Variants in LAMB4 observed in about 807,000 individuals in gnomAD.
LAMB4 encodes the protein laminin subunit beta 4.
In LAMB4, 196 loss-of-function variants were observed where a neutral mutation model predicts 199.2. The ratio of observed to expected loss-of-function variants is 0.98; its 90% CI spans 0.88 to 1.11. The LOEUF (loss-of-function observed/expected upper bound fraction) is 1.11. LAMB4 is among the 50% of genes least tolerant of loss of function. The pLI is 0.00. For synonymous variants in LAMB4, 744 were observed against 770.6 expected (o/e 0.97, Z 0.57); for missense variants, 2,080 against 2,171.2 (o/e 0.96, Z 0.83).
At chr7:108,070,769 A>G (rs2150562942) in intron 17 of LAMB4, among the ~76,000 whole-genome samples, 1 of 152,322 alleles carries the variant, frequency 6.6e-6, no homozygotes, top group East Asian at 1.9e-4. Context: ...AAAAAATCAT[A>G]TGTAGGTTTT....
intron 11 of LAMB4, among the ~76,000 whole-genome samples, chr7:108,096,064 A>G (rs2037583265): frequency 6.6e-6 from 1 of 152,234 alleles, no homozygotes; most frequent in Non-Finnish European, 1.5e-5. Flanking sequence ...AGGCAGTTCA[A>G]TTGTGTTAAG....
chr7:108,109,072 T>C (rs959061762), intron 5 of LAMB4, 99 bp downstream of exon 5: 2 of 877,502 alleles, frequency 2.3e-6, no homozygotes, highest in Non-Finnish European at 3.8e-6. Flanking sequence ...CTTATTCTGT[T>C]TTTGTTCACT....
At chr7:108,123,746 C>T (rs191346123) in intron 1 of LAMB4, among the ~76,000 whole-genome samples, 7 of 152,366 alleles carry the variant, frequency 4.6e-5, no homozygotes, top group Admixed American at 4.6e-4. Flanking sequence ...TATTATCACA[C>T]TGTTTTCTTA....
chr7:108,090,755 T>A (rs1299278168), intron 14 of LAMB4, among the ~76,000 whole-genome samples: 1 of 152,136 alleles, frequency 6.6e-6, no homozygotes, highest in Non-Finnish European at 1.5e-5. Flanking sequence ...GTTTTTTCAG[T>A]CACCATCATA....
rs765121074 is a variant in LAMB4, at chr7:108,024,020, T to C, written c.*19A>G. ...AGAAACCAGAAACAAAGGCACAAGCTTTTGCTCTTTAACTCTGCCTAGCTA... is the reference window on the plus strand; with the variant it reads ...AGAAACCAGAAACAAAGGCACAAGCCTTTGCTCTTTAACTCTGCCTAGCTA... On this transcript the variant is annotated 3_prime_UTR_variant, in exon 34 of 34. Coordinates refer to ENST00000388781, the MANE Select transcript of LAMB4 (RefSeq NM_007356.3). The C allele has an allele frequency of 1.3e-6, 2 of 1,586,864 alleles. No individual in the cohort carries two copies. The highest frequency in any genetic ancestry group is 1.7e-6 in the Non-Finnish European group (2 of 1,171,022).
chr7:108,074,009 G>A (rs2150568645), intron 17 of LAMB4, among the ~76,000 whole-genome samples: 1 of 152,278 alleles, frequency 6.6e-6, no homozygotes, highest in South Asian at 2.1e-4. Flanking sequence ...GCACTGCTTT[G>A]CATCCAGGGA....
At chr7:108,019,067 T>C (rs1438621637), downstream of LAMB4, among the ~76,000 whole-genome samples, 1 of 152,198 alleles carries the variant, frequency 6.6e-6, no homozygotes, top group Admixed American at 6.5e-5. Context: ...GGTGTTTTTG[T>C]TTCCTCTTGT....
intron 14 of LAMB4, among the ~76,000 whole-genome samples, chr7:108,087,767 A>C (rs891913004): frequency 6.6e-6 from 1 of 152,226 alleles, no homozygotes; most frequent in Non-Finnish European, 1.5e-5. Flanking sequence ...AGAAATCGTG[A>C]ATTCACAGTG....
At chr7:108,016,261 T>A in the LAMB4 span, among the ~76,000 whole-genome samples, 1 of 150,052 alleles carries the variant, frequency 6.7e-6, no homozygotes, top group Non-Finnish European at 1.5e-5. Context: ...TTTTCAAATC[T>A]CTTGCATTTT....
intron 2 of LAMB4, among the ~76,000 whole-genome samples, 172 bp from the exon 3 acceptor site, chr7:108,116,333 G>A (rs538043325): frequency 2.6e-5 from 4 of 152,208 alleles, no homozygotes; most frequent in Admixed American, 6.5e-5. Context: ...TGCTTGCTGG[G>A]TGGCATGAGG....
chr7:108,018,435 A>T, the LAMB4 span, among the ~76,000 whole-genome samples: 1 of 152,194 alleles, frequency 6.6e-6, no homozygotes, highest in East Asian at 1.9e-4. Context: ...CAAAGATCAC[A>T]GCTCCTGTTA....
At chr7:108,116,232 G>C in intron 2 of LAMB4, 71 bp from the exon 3 acceptor site, 1 of 1,394,016 alleles carries the variant, frequency 7.2e-7, no homozygotes, top group African/African-American at 1.5e-5. Context: ...GAAATGACTG[G>C]TTAAGGGGGA....
At chr7:108,013,708 A>C in the LAMB4 span, among the ~76,000 whole-genome samples, 1 of 152,224 alleles carries the variant, frequency 6.6e-6, no homozygotes, top group African/African-American at 2.4e-5. Flanking sequence ...TTTAAAACAG[A>C]CATAACTTTG....
intron 17 of LAMB4, among the ~76,000 whole-genome samples, chr7:108,070,551 G>A (rs1441362916): frequency 6.6e-6 from 1 of 152,190 alleles, no homozygotes; most frequent in Admixed American, 6.5e-5. Flanking sequence ...AGAGGATGAA[G>A]ACCTTTGTGA....
chr7:108,118,299 G>T (rs2038479362), intron 2 of LAMB4, among the ~76,000 whole-genome samples: 1 of 151,990 alleles, frequency 6.6e-6, no homozygotes, highest in Admixed American at 6.6e-5. Context: ...CTAGATGGAA[G>T]GGCAGAGGAC....
rs1302428518 is a variant in LAMB4, at chr7:108,079,600, C to G, written c.1887+1G>C. On this transcript the variant is annotated splice_donor_variant, in intron 15 of 33. Coordinates refer to ENST00000388781, the MANE Select transcript of LAMB4 (RefSeq NM_007356.3). LOFTEE classifies it high-confidence loss of function. ...ACCAAAGTTGGAGAGTTAAAGGATA[C>G]CTGGGTTTCATAGTGAATGGCAATG... The G allele has an allele frequency of 6.2e-7, 1 of 1,600,594 alleles. No homozygotes were observed. The highest frequency in any genetic ancestry group is 8.5e-7 in the Non-Finnish European group (1 of 1,174,538).
chr7:108,089,725 C>T (rs114803044), intron 14 of LAMB4, among the ~76,000 whole-genome samples: 4 of 152,228 alleles, frequency 2.6e-5, no homozygotes, highest in Non-Finnish European at 5.9e-5. Flanking sequence ...TACAGTGGTG[C>T]GACCACAGCT....
At chr7:108,033,342 C>T (rs555914862) in intron 31 of LAMB4, among the ~76,000 whole-genome samples, 1 of 152,114 alleles carries the variant, frequency 6.6e-6, no homozygotes, top group Non-Finnish European at 1.5e-5. Context: ...TTTTACTACC[C>T]CATATATGCA....
intron 2 of LAMB4, among the ~76,000 whole-genome samples, chr7:108,121,612 A>G (rs924873422): frequency 2.0e-5 from 3 of 152,042 alleles, no homozygotes; most frequent in Non-Finnish European, 4.4e-5. Flanking sequence ...TTAGCTGGGC[A>G]TGGTGGGAGC....
Sources: allele counts gnomAD v4.1 joint callset (sites outside exome capture counted in the v4.1 genomes callset), GRCh38; gene constraint gnomAD v4.1.1; transcripts MANE v1.5; gene names NCBI Gene and HGNC (gene_info 2026-07-23, HGNC 2026-07-21).